Variants in KCNMB2 observed in about 807,000 individuals in gnomAD.
KCNMB2 encodes the protein calcium-activated potassium channel subunit beta-2.
A neutral mutation model predicts 24.5 loss-of-function variants in KCNMB2; 9 were observed. The observed-to-expected ratio is 0.37, with a 90% CI of 0.22 to 0.64. KCNMB2 has a LOEUF of 0.64. Ranked by LOEUF, KCNMB2 falls within the 30% of genes least tolerant of loss-of-function variation. The probability of loss-of-function intolerance (pLI) is 0.63; values close to 1 mark genes in which losing one functional copy is unlikely to be tolerated. For synonymous variants in KCNMB2, 109 were observed against 104.4 expected, an observed-to-expected ratio of 1.04 and a Z score of -0.27; for missense variants, 226 against 284.3, an observed-to-expected ratio of 0.79 and a Z score of 1.47.
chr3:178,743,730 CT>C (rs1054624820), intron 1 of KCNMB2, among the ~76,000 whole-genome samples: 5 of 152,196 alleles, frequency 3.3e-5, no homozygotes, highest in African/African-American at 1.2e-4. Flanking sequence ...GAAATACAGC[CT>C]GAAAGGTTGA....
At chr3:178,587,811 A>C (rs926724218) in intron 1 of KCNMB2, among the ~76,000 whole-genome samples, 2 of 151,232 alleles carry the variant, frequency 1.3e-5, no homozygotes, top group African/African-American at 4.9e-5. Context: ...ATATGTATAC[A>C]TGTACCATGT....
At position 178,669,375 on chromosome 3, in the gene KCNMB2, G is replaced by T. The variant is rs372142317; in HGVS notation, c.-68+132664G>T. On this transcript the variant is annotated intron_variant, in intron 1 of 4. Transcript: ENST00000452583. ...TAATTAACCTTCAAAAAAAAGAGGA[G>T]AGAGGAGAGAAGGAGAGGACAGAGT... is the stretch of plus-strand genomic sequence containing the variant. Among the ~76,000 whole-genome samples, 38 of 152,280 alleles carry T rather than the reference G, an allele frequency of 2.5e-4. 1 individual carries two copies. The South Asian group carries it at 7.7e-3, about 31-fold the overall frequency.
intron 1 of KCNMB2, among the ~76,000 whole-genome samples, chr3:178,638,653 A>G (rs1192965671): frequency 6.6e-6 from 1 of 152,194 alleles, no homozygotes; most frequent in African/African-American, 2.4e-5. Flanking sequence ...AGTGTCTTGT[A>G]TATATTTTGG....
chr3:178,592,707 G>A (rs373511986), intron 1 of KCNMB2, among the ~76,000 whole-genome samples: 24 of 152,116 alleles, frequency 1.6e-4, no homozygotes, highest in East Asian at 9.7e-4. Context: ...CCTGGTTTGC[G>A]CCTGCTTATT....
chr3:178,713,268 G>A (rs913579157), intron 1 of KCNMB2, among the ~76,000 whole-genome samples: 4 of 152,054 alleles, frequency 2.6e-5, no homozygotes, highest in Non-Finnish European at 5.9e-5. Flanking sequence ...TTTCACATTG[G>A]GTATGGGCAA....
At chr3:178,760,481 T>C (rs943622244) in intron 1 of KCNMB2, among the ~76,000 whole-genome samples, 16 of 138,064 alleles carry the variant, frequency 1.2e-4, no homozygotes, top group Non-Finnish European at 1.9e-4. Context: ...ATATATATTA[T>C]ATATATAATG....
chr3:178,743,498 A>G (rs1723560634), intron 1 of KCNMB2, among the ~76,000 whole-genome samples: 1 of 152,204 alleles, frequency 6.6e-6, no homozygotes, highest in Non-Finnish European at 1.5e-5. Context: ...ACGTGCTACT[A>G]CAAGTGGCCT....
At chr3:178,672,490 T>G (rs1002765051) in intron 1 of KCNMB2, among the ~76,000 whole-genome samples, 13 of 152,152 alleles carry the variant, frequency 8.5e-5, no homozygotes, top group African/African-American at 3.1e-4. Flanking sequence ...TACATCCATG[T>G]CCTTAAAGAG....
intron 1 of KCNMB2, among the ~76,000 whole-genome samples, chr3:178,609,907 G>A (rs1011075116): frequency 1.4e-4 from 21 of 152,206 alleles, no homozygotes; most frequent in Middle Eastern, 3.4e-3. Context: ...CAAAGTGCTG[G>A]GATTACAGGT....
At chr3:178,614,561 T>A (rs1319749034) in intron 1 of KCNMB2, among the ~76,000 whole-genome samples, 12 of 151,828 alleles carry the variant, frequency 7.9e-5, no homozygotes, top group Admixed American at 7.9e-4. Flanking sequence ...GATTCAATTA[T>A]CTCTCACCAG....
intron 1 of KCNMB2, among the ~76,000 whole-genome samples, chr3:178,576,651 G>T (rs1298058157): frequency 6.6e-6 from 1 of 152,144 alleles, no homozygotes; most frequent in African/African-American, 2.4e-5. Context: ...CTCAAGCTTG[G>T]TAGGGGGAGG....
At chr3:178,593,528 G>T (rs887502104) in intron 1 of KCNMB2, among the ~76,000 whole-genome samples, 4 of 151,978 alleles carry the variant, frequency 2.6e-5, no homozygotes, top group African/African-American at 7.3e-5. Context: ...GAGTCCTTGA[G>T]CTGAATTCTC....
chr3:178,735,835 C>G (rs2108371860), intron 1 of KCNMB2, among the ~76,000 whole-genome samples: 1 of 152,238 alleles, frequency 6.6e-6, no homozygotes, highest in South Asian at 2.1e-4. Context: ...CTCACTTTTT[C>G]TATGTAATGA....
At chr3:178,608,217 G>T (rs2108513382) in intron 1 of KCNMB2, among the ~76,000 whole-genome samples, 1 of 152,256 alleles carries the variant, frequency 6.6e-6, no homozygotes, top group East Asian at 1.9e-4. Flanking sequence ...ACCCATGAAG[G>T]AAAGTAAACA....
intron 1 of KCNMB2, among the ~76,000 whole-genome samples, chr3:178,584,575 T>C (rs1560118962): frequency 1.3e-5 from 2 of 152,222 alleles, no homozygotes; most frequent in Admixed American, 6.5e-5. Context: ...ATTGTTGTTA[T>C]TATGTTATTT....
At chr3:178,823,224 G>C (rs182695511) in intron 2 of KCNMB2, among the ~76,000 whole-genome samples, 1 of 152,232 alleles carries the variant, frequency 6.6e-6, no homozygotes, top group African/African-American at 2.4e-5. Context: ...GAAACACAGA[G>C]GGTGGGTGGT....
In KCNMB2 at chr3:178,807,372, C is replaced by G. The variant is rs933722313; in HGVS notation, c.-38C>G. On this transcript the variant is annotated 5_prime_UTR_variant, in exon 2 of 5. Transcript: ENST00000452583. ...TTTTGCCATTCCTCCAGGACATCCACCATAAGGAAAGGAGACCCTGGACCA... is the reference window on the plus strand; with the variant it reads ...TTTTGCCATTCCTCCAGGACATCCAGCATAAGGAAAGGAGACCCTGGACCA... 6.3e-7 allele frequency: 1 copy of G among 1,585,900 alleles called. No individual in the cohort carries two copies. Among genetic ancestry groups the G allele is most frequent in the African/African-American group, 1.3e-5 (1 of 74,228 alleles).
At chr3:178,700,290 A>G (rs1414051019) in intron 1 of KCNMB2, among the ~76,000 whole-genome samples, 2 of 152,230 alleles carry the variant, frequency 1.3e-5, no homozygotes, top group Non-Finnish European at 2.9e-5. Flanking sequence ...CTTATCTCCT[A>G]TCAACTAAAT....
chr3:178,764,075 C>A (rs748051914), intron 1 of KCNMB2, among the ~76,000 whole-genome samples: 1 of 152,086 alleles, frequency 6.6e-6, no homozygotes, highest in Non-Finnish European at 1.5e-5. Flanking sequence ...GAATTAAACC[C>A]CCATTATTTG....
Sources: gnomAD v4.1 joint callset for allele counts (sites outside exome capture counted in the v4.1 genomes callset) on GRCh38, gnomAD v4.1.1 for gene constraint, MANE v1.5 for transcripts, NCBI Gene and HGNC (gene_info 2026-07-23, HGNC 2026-07-21) for gene names.